The following ATRNL1 variants were observed in gnomAD, a reference collection of about 807,000 sequenced individuals.
ATRNL1 encodes attractin like 1, also known as attractin-like protein 1.
In ATRNL1, 95 loss-of-function variants were observed where a neutral mutation model predicts 182.7. That is an observed-to-expected ratio of 0.52 (90% confidence interval 0.44 to 0.62). ATRNL1 has a LOEUF of 0.62. Ranked by LOEUF, ATRNL1 falls within the 20% of genes least tolerant of loss-of-function variation. The pLI, the probability that ATRNL1 is intolerant of heterozygous loss-of-function variation, is 0.00. For missense variants in ATRNL1, 1,471 were observed against 1,679.5 expected, an observed-to-expected ratio of 0.88 and a Z score of 2.17; for synonymous variants, 576 against 568.3, an observed-to-expected ratio of 1.01 and a Z score of -0.19.
Position 115,227,127 on chromosome 10 carries a change from C to A in ATRNL1, c.1532+11247C>A, listed in dbSNP as rs115746059. Among the ~76,000 whole-genome samples, 399 of 152,076 alleles carry A rather than the reference C, an allele frequency of 2.6e-3. 2 individuals carry two copies. Among genetic ancestry groups the A allele is most frequent in the African/African-American group, 9.3e-3 (387 of 41,498 alleles). On this transcript the variant is annotated intron_variant, in intron 9 of 28. Transcript: ENST00000355044. ...ACAGCAAAAGAAACCATTAGCAGAG[C>A]AAACAGACAGCCTACAAAATGGGAG...
At chr10:115,810,173 GC>G (rs1215615487) in intron 27 of ATRNL1, among the ~76,000 whole-genome samples, 9 of 151,800 alleles carry the variant, frequency 5.9e-5, no homozygotes, top group Non-Finnish European at 1.3e-4. Flanking sequence ...TTTGTGCATG[GC>G]TAGATTCAAT....
chr10:115,116,667 A>G (rs1554870057), intron 1 of ATRNL1, among the ~76,000 whole-genome samples: 1 of 152,100 alleles, frequency 6.6e-6, no homozygotes, highest in Non-Finnish European at 1.5e-5. Context: ...AAGTAGCAGG[A>G]GATTTCTCCC....
At chr10:115,842,085 G>T (rs782590198) in intron 27 of ATRNL1, among the ~76,000 whole-genome samples, 5 of 151,588 alleles carry the variant, frequency 3.3e-5, no homozygotes, top group Admixed American at 6.6e-5. Flanking sequence ...GGAAATGTTA[G>T]AGTGATTAAT....
chr10:115,330,651 A>G (rs1855163576), intron 18 of ATRNL1, among the ~76,000 whole-genome samples: 1 of 144,258 alleles, frequency 6.9e-6, no homozygotes, highest in African/African-American at 2.5e-5. Flanking sequence ...GGCATATTGG[A>G]ATTCCTTTAT....
At chr10:115,876,270 A>G (rs1589636101) in intron 28 of ATRNL1, among the ~76,000 whole-genome samples, 1 of 152,304 alleles carries the variant, frequency 6.6e-6, no homozygotes, top group Non-Finnish European at 1.5e-5. Flanking sequence ...TTCATTCTGT[A>G]CAATGGGGCT....
chr10:115,196,663 TA>T (rs1848373593), intron 8 of ATRNL1, among the ~76,000 whole-genome samples: 1 of 152,128 alleles, frequency 6.6e-6, no homozygotes, highest in Non-Finnish European at 1.5e-5. Context: ...AAATATTTCA[TA>T]TTTTTAATAT....
intron 26 of ATRNL1, among the ~76,000 whole-genome samples, chr10:115,691,412 A>G (rs1555048165): frequency 6.6e-6 from 1 of 152,188 alleles, no homozygotes; most frequent in East Asian, 1.9e-4. Context: ...GGCCATTTGT[A>G]TACCTTCTTT....
intron 26 of ATRNL1, among the ~76,000 whole-genome samples, chr10:115,565,511 T>C (rs1572396): frequency 0.57 from 87,093 of 151,774 alleles, 26,841 homozygotes; most frequent in Non-Finnish European, 0.71. Flanking sequence ...TTGTGTTGAG[T>C]AATGGTACAG....
At chr10:115,898,085 G>A (rs919653230) in intron 28 of ATRNL1, among the ~76,000 whole-genome samples, 2 of 151,820 alleles carry the variant, frequency 1.3e-5, no homozygotes, top group African/African-American at 4.8e-5. Flanking sequence ...GCACCACCAC[G>A]CCCAGCTAAT....
chr10:115,773,492 T>A (rs1281213430), intron 27 of ATRNL1, among the ~76,000 whole-genome samples: 3 of 152,356 alleles, frequency 2.0e-5, no homozygotes, highest in Middle Eastern at 3.4e-3. Flanking sequence ...TATTTTATTC[T>A]GTCTCACTAG....
chr10:115,940,932 T>C (rs1555124112), intron 28 of ATRNL1, among the ~76,000 whole-genome samples: 1 of 152,202 alleles, frequency 6.6e-6, no homozygotes, highest in Non-Finnish European at 1.5e-5. Flanking sequence ...TTATGATTAT[T>C]ATCCTGTTCA....
intron 28 of ATRNL1, among the ~76,000 whole-genome samples, chr10:115,935,080 CTCTA>C (rs1437031150): frequency 6.6e-6 from 1 of 152,184 alleles, no homozygotes; most frequent in Non-Finnish European, 1.5e-5. Context: ...GAGATCACGC[CTCTA>C]TCTTTCTTTT....
In ATRNL1 at chr10:115,097,310, C is replaced by T. The variant is rs904483065; in HGVS notation, c.293+3267C>T. Among the ~76,000 whole-genome samples, 6 of 152,088 alleles carry T rather than the reference C, an allele frequency of 3.9e-5. No homozygotes were observed. The East Asian group carries it at 5.8e-4, about 15-fold the overall frequency. ...ACCAGTCTGGGCAAGATAGTGAGAC[C>T]TCATCTCTACAAAAAATATTTTAAA... On this transcript the variant is annotated intron_variant, in intron 1 of 28. Coordinates refer to ENST00000355044, the MANE Select transcript of ATRNL1 (RefSeq NM_207303.4).
At chr10:115,937,575 G>A (rs1953599049) in intron 28 of ATRNL1, among the ~76,000 whole-genome samples, 1 of 152,164 alleles carries the variant, frequency 6.6e-6, no homozygotes, top group Non-Finnish European at 1.5e-5. Flanking sequence ...GGCGAGGGTG[G>A]CCACACCGAA....
intron 26 of ATRNL1, among the ~76,000 whole-genome samples, chr10:115,572,563 C>T (rs1453429020): frequency 2.0e-5 from 3 of 151,972 alleles, no homozygotes; most frequent in Admixed American, 2.0e-4. Context: ...AGACAGCAGT[C>T]AAGAGCATCA....
chr10:115,704,148 A>T (rs1030928267), intron 26 of ATRNL1, among the ~76,000 whole-genome samples: 1 of 152,016 alleles, frequency 6.6e-6, no homozygotes, highest in African/African-American at 2.4e-5. Flanking sequence ...TCTGGAGGCT[A>T]TAAGTCTAAG....
rs1432227873 is a variant in ATRNL1 at position 115,946,045 on chromosome 10, G to T, written c.*1266G>T. 1.3e-5 allele frequency: 2 copies of T among 152,184 alleles called. No homozygotes were observed. The highest frequency in any genetic ancestry group is 4.8e-5 in the African/African-American group (2 of 41,440). 9.4% of individuals were successfully genotyped at this position (152,184 alleles called of 1,614,324 possible). On this transcript the variant is annotated 3_prime_UTR_variant, in exon 29 of 29. Coordinates refer to ENST00000355044, the MANE Select transcript of ATRNL1 (RefSeq NM_207303.4). ...CTAATACTGACCACAGTTCACTAAAGCTCAGTAGCATTAACAGATATAGTT... is the reference window on the plus strand; with the variant it reads ...CTAATACTGACCACAGTTCACTAAATCTCAGTAGCATTAACAGATATAGTT...
At chr10:115,215,992 G>A in intron 9 of ATRNL1, 112 bp downstream of exon 9, 1 of 748,968 alleles carries the variant, frequency 1.3e-6, no homozygotes, top group South Asian at 3.1e-5. Flanking sequence ...CATTGTAAAT[G>A]CTGATATCGT....
At chr10:115,320,724 GT>G (rs1393983900) in intron 18 of ATRNL1, among the ~76,000 whole-genome samples, 3 of 149,944 alleles carry the variant, frequency 2.0e-5, no homozygotes, top group East Asian at 3.9e-4. Flanking sequence ...TTCTTGTGCT[GT>G]TTTTTTTTCA....
Sources: allele counts gnomAD v4.1 joint callset (sites outside exome capture counted in the v4.1 genomes callset), GRCh38; gene constraint gnomAD v4.1.1; transcripts MANE v1.5; gene names NCBI Gene and HGNC (gene_info 2026-07-23, HGNC 2026-07-21).